WWOX: variants seen among roughly 807,000 people sequenced by gnomAD.
WWOX encodes WW domain-containing oxidoreductase.
Under a neutral mutation model 46.2 loss-of-function variants are expected in WWOX, and 69 were observed. The observed-to-expected ratio is 1.49, with a 90% CI of 1.23 to 1.82. WWOX has a LOEUF of 1.82. Ranked by LOEUF, WWOX falls within the 40% of genes most tolerant of loss-of-function variation. WWOX has a pLI of 0.00. For synonymous variants in WWOX, 359 were observed against 202.6 expected (o/e 1.77, Z -6.56); for missense variants, 919 against 542.6 (o/e 1.69, Z -6.89).
intron 8 of WWOX, among the ~76,000 whole-genome samples, chr16:78,945,996 C>T (rs2045941623): frequency 6.6e-6 from 1 of 152,114 alleles, no homozygotes; most frequent in African/African-American, 2.4e-5. Flanking sequence ...CACAGGCTTG[C>T]CGGGCAACCC....
intron 5 of WWOX, among the ~76,000 whole-genome samples, chr16:78,365,683 G>C (rs1393419971): frequency 6.6e-6 from 1 of 152,172 alleles, no homozygotes. Context: ...CAGATTGCCA[G>C]ATGTGGAAGA....
intron 8 of WWOX, among the ~76,000 whole-genome samples, chr16:78,848,895 C>G (rs1452100278): frequency 6.6e-6 from 1 of 152,086 alleles, no homozygotes; most frequent in South Asian, 2.1e-4. Flanking sequence ...CAGTTTTTAT[C>G]CTTGCAGATA....
intron 8 of WWOX, among the ~76,000 whole-genome samples, chr16:78,617,574 G>A (rs931577227): frequency 3.3e-5 from 5 of 152,196 alleles, no homozygotes; most frequent in African/African-American, 1.2e-4. Context: ...GGACGTGCTT[G>A]TGTGTGTTCT....
chr16:78,950,421 C>G (rs147115605), intron 8 of WWOX, among the ~76,000 whole-genome samples: 1 of 151,968 alleles, frequency 6.6e-6, no homozygotes, highest in Non-Finnish European at 1.5e-5. Flanking sequence ...TTTGCCTTGT[C>G]AGCTCCTGAT....
intron 8 of WWOX, among the ~76,000 whole-genome samples, chr16:78,796,865 A>T (rs537363046): frequency 6.8e-6 from 1 of 146,268 alleles, no homozygotes; most frequent in South Asian, 2.2e-4. Context: ...TCACTCTGTC[A>T]CCTAGGCTGG....
intron 8 of WWOX, among the ~76,000 whole-genome samples, chr16:78,482,338 C>T (rs970663697): frequency 3.9e-5 from 6 of 152,136 alleles, no homozygotes; most frequent in South Asian, 2.1e-4. Context: ...TCTCCTTCCT[C>T]GGCCTCCGTA....
intron 8 of WWOX, among the ~76,000 whole-genome samples, chr16:79,064,515 A>G (rs2048408724): frequency 6.6e-6 from 1 of 152,240 alleles, no homozygotes; most frequent in Admixed American, 6.5e-5. Flanking sequence ...CTAGGAACGC[A>G]GATGTGGAGA....
At chr16:78,422,885 A>G (rs1401074407) in intron 6 of WWOX, among the ~76,000 whole-genome samples, 2 of 130,700 alleles carry the variant, frequency 1.5e-5, no homozygotes, top group Non-Finnish European at 3.2e-5. Context: ...ACACACACAC[A>G]TATATTTTTT....
chr16:78,701,260 T>C (rs139147289), intron 8 of WWOX, among the ~76,000 whole-genome samples: 103 of 152,264 alleles, frequency 6.8e-4, no homozygotes, highest in African/African-American at 2.3e-3. Context: ...ATATCTGTAT[T>C]AAGACAGGGT....
At chr16:78,309,596 C>T (rs2080200197) in intron 5 of WWOX, among the ~76,000 whole-genome samples, 1 of 152,138 alleles carries the variant, frequency 6.6e-6, no homozygotes. Context: ...AGGTGTAACC[C>T]AGCCACCTTG....
At chr16:79,134,124 G>C (rs2049937036) in intron 8 of WWOX, among the ~76,000 whole-genome samples, 2 of 151,894 alleles carry the variant, frequency 1.3e-5, no homozygotes, top group Non-Finnish European at 2.9e-5. Context: ...TCTGGGTGAG[G>C]TCACATTTTG....
intron 8 of WWOX, among the ~76,000 whole-genome samples, chr16:78,641,934 AG>A: frequency 6.6e-6 from 1 of 152,342 alleles, no homozygotes; most frequent in African/African-American, 2.4e-5. Flanking sequence ...TCTTGATCGC[AG>A]ACACGGAAAA....
chr16:78,735,720 T>C (rs16948390), intron 8 of WWOX, among the ~76,000 whole-genome samples: 3,111 of 152,302 alleles, frequency 0.02, 97 homozygotes, highest in African/African-American at 0.072. Flanking sequence ...ACTAGTTCTA[T>C]GTCAATGATG....
Position 78,505,676 on chromosome 16 carries a change from C to T in WWOX, c.1056+72924C>T, listed in dbSNP as rs547103633. On this transcript the variant is annotated intron_variant, in intron 8 of 8. Coordinates refer to ENST00000566780, the MANE Select transcript of WWOX (RefSeq NM_016373.4). ...TGGGAAGTCTGGCTAGCAACACCCTCATTCCCAGTCCTGGCCATGCCTCTC... is the reference window on the plus strand; with the variant it reads ...TGGGAAGTCTGGCTAGCAACACCCTTATTCCCAGTCCTGGCCATGCCTCTC... Among the ~76,000 whole-genome samples the T allele has an allele frequency of 5.9e-5, 9 of 152,062 alleles. No individual in the cohort carries two copies. The South Asian group carries it at 1.9e-3, about 32-fold the overall frequency.
At chr16:78,803,621 A>G (rs1484508319) in intron 8 of WWOX, among the ~76,000 whole-genome samples, 1 of 151,852 alleles carries the variant, frequency 6.6e-6, no homozygotes, top group Non-Finnish European at 1.5e-5. Context: ...ACATGTTTTT[A>G]ACTTTAATTT....
chr16:78,373,086 G>C (rs2081733058), intron 5 of WWOX, among the ~76,000 whole-genome samples: 1 of 152,010 alleles, frequency 6.6e-6, no homozygotes, highest in East Asian at 1.9e-4. Context: ...CTTGCACACT[G>C]GACAATGCTT....
intron 8 of WWOX, among the ~76,000 whole-genome samples, chr16:78,569,520 C>A (rs1219643413): frequency 6.6e-6 from 1 of 152,144 alleles, no homozygotes; most frequent in Non-Finnish European, 1.5e-5. Flanking sequence ...TTATCGGCTC[C>A]TTTTTGTACA....
chr16:78,489,406 C>A (rs893163720), intron 8 of WWOX, among the ~76,000 whole-genome samples: 6 of 152,138 alleles, frequency 3.9e-5, no homozygotes, highest in African/African-American at 1.2e-4. Context: ...TCACTGTGAA[C>A]CTGCTAACAT....
At position 78,297,131 on chromosome 16, in the gene WWOX, T is replaced by C. The variant is rs145416030; in HGVS notation, c.517-89729T>C. Among the ~76,000 whole-genome samples the C allele has an allele frequency of 5.1e-4, 77 of 152,308 alleles. 1 individual carries two copies. In the East Asian group the frequency reaches 0.014, roughly 27 times the overall value. On this transcript the variant is annotated intron_variant, in intron 5 of 8. Coordinates refer to ENST00000566780, the MANE Select transcript of WWOX (RefSeq NM_016373.4). ...TGGCTCTCTGGCCTCTGGGTTCGTT[T>C]GGTATCCTGGGGAGTCATTGACACC...
Sources: gnomAD v4.1 joint callset for allele counts (sites outside exome capture counted in the v4.1 genomes callset) on GRCh38, gnomAD v4.1.1 for gene constraint, MANE v1.5 for transcripts, NCBI Gene and HGNC (gene_info 2026-07-23, HGNC 2026-07-21) for gene names.